GPC5: variants seen among roughly 807,000 people sequenced by gnomAD.
GPC5 encodes the protein glypican-5.
In GPC5, 47 loss-of-function variants were observed where a neutral mutation model predicts 53.9. The ratio of observed to expected loss-of-function variants is 0.87; its 90% CI spans 0.69 to 1.11. GPC5 has a LOEUF of 1.11. GPC5 is among the 50% of genes most tolerant of loss of function. The pLI is 0.00. For missense variants in GPC5, 748 were observed against 713.1 expected (o/e 1.05, Z -0.56); for synonymous variants, 286 against 263.3 (o/e 1.09, Z -0.84).
chr13:92,069,129 C>T (rs1351205131), intron 6 of GPC5, among the ~76,000 whole-genome samples: 1 of 151,870 alleles, frequency 6.6e-6, no homozygotes, highest in Non-Finnish European at 1.5e-5. Context: ...CTACTATTTC[C>T]CTATTGAATT....
At position 92,325,177 on chromosome 13, in the gene GPC5, A is replaced by G. The variant is rs56701859; in HGVS notation, c.1561+180188A>G. ...ATATAAAACTTAAGCATGTTTATAC[A>G]TATTCTCAGATTAGTAAGAGTCTCC... is the stretch of plus-strand genomic sequence containing the variant. On this transcript the variant is annotated intron_variant, in intron 7 of 7. Transcript: ENST00000377067. Among the ~76,000 whole-genome samples, 560 of 151,950 alleles carry G rather than the reference A, an allele frequency of 3.7e-3. 4 individuals are homozygous for G. The highest frequency in any genetic ancestry group is 0.013 in the African/African-American group (530 of 41,500).
At chr13:91,921,112 T>C (rs1375166220) in intron 6 of GPC5, among the ~76,000 whole-genome samples, 2 of 151,836 alleles carry the variant, frequency 1.3e-5, no homozygotes, top group African/African-American at 4.8e-5. Flanking sequence ...AATTTTTGTA[T>C]TTTTAGTAGA....
intron 6 of GPC5, among the ~76,000 whole-genome samples, chr13:92,061,648 TG>T (rs1290394513): frequency 6.6e-6 from 1 of 152,078 alleles, no homozygotes; most frequent in Non-Finnish European, 1.5e-5. Context: ...CTCATGGGCA[TG>T]CAGTATATTC....
chr13:91,547,261 G>GT (rs989755573), intron 2 of GPC5, among the ~76,000 whole-genome samples: 1 of 152,060 alleles, frequency 6.6e-6, no homozygotes, highest in African/African-American at 2.4e-5. Context: ...AATGGAGACA[G>GT]TGTATTACTG....
chr13:92,031,810 ATATTACATAT>A (rs1423914743), intron 6 of GPC5, among the ~76,000 whole-genome samples: 1 of 107,246 alleles, frequency 9.3e-6, no homozygotes, highest in Non-Finnish European at 1.7e-5. Flanking sequence ...AATATATAAT[ATATTACATAT>A]TATATATAAT....
chr13:92,304,050 T>G (rs2043093543), intron 7 of GPC5, among the ~76,000 whole-genome samples: 1 of 152,156 alleles, frequency 6.6e-6, no homozygotes, highest in East Asian at 1.9e-4. Context: ...TGAGGTATAG[T>G]GGATACACAT....
chr13:91,693,821 C>G lies in GPC5; in HGVS notation c.960C>G (p.His320Gln), dbSNP rs1179702285. 1 of 1,612,778 alleles carries G rather than the reference C, an allele frequency of 6.2e-7. No homozygotes were observed. Among genetic ancestry groups the G allele is most frequent in the Non-Finnish European group, 8.5e-7 (1 of 1,179,936 alleles). Residue 320 changes from histidine to glutamine, a missense_variant, in exon 3 of 8, where the codon CAC becomes CAG. Coordinates refer to ENST00000377067, the MANE Select transcript of GPC5 (RefSeq NM_004466.6). Reference sequence around the variant, plus strand: ...TTGGACACGTGCTGCTGAACTTTCACTTGCTTGTTAATGATGCTGTGTTAC... The same window carrying G: ...TTGGACACGTGCTGCTGAACTTTCAGTTGCTTGTTAATGATGCTGTGTTAC... ...YDIGHVLLNF[H>Q]LLVNDAVLQA...
At chr13:92,441,886 T>A (rs1488713377) in intron 7 of GPC5, among the ~76,000 whole-genome samples, 1 of 152,162 alleles carries the variant, frequency 6.6e-6, no homozygotes, top group Non-Finnish European at 1.5e-5. Flanking sequence ...AAAGCAATCC[T>A]AACTAATCAA....
At chr13:92,568,728 T>G (rs1255956163) in intron 7 of GPC5, among the ~76,000 whole-genome samples, 2 of 152,114 alleles carry the variant, frequency 1.3e-5, no homozygotes, top group African/African-American at 4.8e-5. Context: ...GTTCGTTTAG[T>G]CCTCATAAGA....
chr13:91,964,335 C>T (rs1253382496), intron 6 of GPC5, among the ~76,000 whole-genome samples: 1 of 152,144 alleles, frequency 6.6e-6, no homozygotes, highest in Non-Finnish European at 1.5e-5. Context: ...CTTTTATTCC[C>T]TTATTTGGTC....
intron 7 of GPC5, among the ~76,000 whole-genome samples, chr13:92,577,596 T>A (rs894225054): frequency 5.2e-4 from 79 of 152,284 alleles, no homozygotes; most frequent in African/African-American, 1.9e-3. Flanking sequence ...CCCTTGCTAG[T>A]AAAGCTTCAT....
chr13:92,775,318 T>A (rs1400138709), intron 7 of GPC5, among the ~76,000 whole-genome samples: 1 of 152,172 alleles, frequency 6.6e-6, no homozygotes, highest in Non-Finnish European at 1.5e-5. Flanking sequence ...AAAAAAAGCA[T>A]AAATGTTAAC....
At chr13:91,877,987 C>G (rs997904590) in intron 5 of GPC5, among the ~76,000 whole-genome samples, 1 of 152,144 alleles carries the variant, frequency 6.6e-6, no homozygotes, top group African/African-American at 2.4e-5. Context: ...CTTCTTCTCC[C>G]ATTTTTCTCT....
chr13:92,301,423 G>C (rs2043074646), intron 7 of GPC5, among the ~76,000 whole-genome samples: 1 of 151,904 alleles, frequency 6.6e-6, no homozygotes, highest in Non-Finnish European at 1.5e-5. Flanking sequence ...AAAAAATACA[G>C]TAGCAAGAAA....
chr13:92,215,741 A>G (rs2042405024), intron 7 of GPC5, among the ~76,000 whole-genome samples: 1 of 152,202 alleles, frequency 6.6e-6, no homozygotes, highest in Non-Finnish European at 1.5e-5. Context: ...CTCTCTAGAA[A>G]TCCATTACAG....
chr13:91,639,788 TTTTC>T (rs1241240589), intron 2 of GPC5, among the ~76,000 whole-genome samples: 1 of 152,238 alleles, frequency 6.6e-6, no homozygotes, highest in African/African-American at 2.4e-5. Context: ...TATTCAGGTG[TTTTC>T]TAAGTTCTTC....
chr13:92,007,720 A>T (rs139264874), intron 6 of GPC5, among the ~76,000 whole-genome samples: 10 of 152,198 alleles, frequency 6.6e-5, no homozygotes, highest in Non-Finnish European at 1.0e-4. Flanking sequence ...ATTTGAAATT[A>T]TAGTTCTCCT....
At chr13:91,701,278 A>G (rs1188398688) in intron 3 of GPC5, among the ~76,000 whole-genome samples, 1 of 152,158 alleles carries the variant, frequency 6.6e-6, no homozygotes, top group African/African-American at 2.4e-5. Flanking sequence ...TATAGTCACA[A>G]TGCTGTACAA....
chr13:92,866,333 A>AC lies in GPC5; in HGVS notation c.1614dup (p.Thr539HisfsTer17). ...GATGTAAAGCAAATCCATCAAACAG[A>AC]CACTGGCAGTACTTTAGACACAACA... is the stretch of plus-strand genomic sequence containing the variant. On this transcript the variant is annotated frameshift_variant, in exon 8 of 8. Transcript: ENST00000377067. LOFTEE classifies it low-confidence loss of function (END_TRUNC). 1.2e-6 allele frequency: 2 copies of AC among 1,613,054 alleles called. No individual in the cohort carries two copies. Among genetic ancestry groups the AC allele is most frequent in the South Asian group, 2.2e-5 (2 of 91,004 alleles).
Sources: gnomAD v4.1 joint callset for allele counts (sites outside exome capture counted in the v4.1 genomes callset) on GRCh38, gnomAD v4.1.1 for gene constraint, MANE v1.5 for transcripts, NCBI Gene and HGNC (gene_info 2026-07-23, HGNC 2026-07-21) for gene names.